The following TMEM38B variants were observed in gnomAD, a reference collection of about 807,000 sequenced individuals.
TMEM38B encodes the protein trimeric intracellular cation channel type B.
Under a neutral mutation model 28.7 loss-of-function variants are expected in TMEM38B, and 24 were observed. That is an observed-to-expected ratio of 0.84 (90% CI 0.61 to 1.18). TMEM38B has a LOEUF of 1.18. TMEM38B is among the 50% of genes most tolerant of loss of function. The probability of loss-of-function intolerance (pLI) is 0.00; values close to 1 mark genes in which losing one functional copy is unlikely to be tolerated. For synonymous variants in TMEM38B, 131 were observed against 127.7 expected, an observed-to-expected ratio of 1.03 and a Z score of -0.17; for missense variants, 380 against 350.9, an observed-to-expected ratio of 1.08 and a Z score of -0.66.
chr9:105,732,333 T>C (rs1387673746), intron 4 of TMEM38B, among the ~76,000 whole-genome samples: 2 of 152,228 alleles, frequency 1.3e-5, no homozygotes, highest in Admixed American at 1.3e-4. Flanking sequence ...TTTGTCAATT[T>C]TGGCTTTTGT....
chr9:105,708,951 A>G (rs1437058042), intron 2 of TMEM38B, among the ~76,000 whole-genome samples: 16 of 147,074 alleles, frequency 1.1e-4, no homozygotes, highest in African/African-American at 1.5e-4. Flanking sequence ...AAATTTTTAT[A>G]TTTGTTGAGA....
intron 4 of TMEM38B, among the ~76,000 whole-genome samples, chr9:105,745,663 A>C (rs1250886380): frequency 6.6e-6 from 1 of 152,200 alleles, no homozygotes; most frequent in African/African-American, 2.4e-5. Flanking sequence ...GTCCTTGCCC[A>C]TGCCTATGTC....
chr9:105,705,353 T>C (rs558721020), intron 1 of TMEM38B, among the ~76,000 whole-genome samples: 61 of 152,350 alleles, frequency 4.0e-4, no homozygotes, highest in Non-Finnish European at 8.2e-4. Context: ...AATGACAGCC[T>C]AAACAGAACA....
In TMEM38B at chr9:105,750,484, C is replaced by T. The variant is rs142169594; in HGVS notation, c.660+2294C>T. On this transcript the variant is annotated intron_variant, in intron 5 of 5. Coordinates refer to ENST00000374692, the MANE Select transcript of TMEM38B (RefSeq NM_018112.3). ...ACTAAAAATATAAAAATTAGTTGTG[C>T]GCGCCTGTAATCCCAGCTACTCAGG... Among the ~76,000 whole-genome samples the T allele has an allele frequency of 5.5e-4, 84 of 152,062 alleles. No individual in the cohort carries two copies. In the East Asian group the frequency reaches 0.016, roughly 28 times the overall value.
rs71489351 is a variant in TMEM38B, at chr9:105,738,715, CT to C, written c.543-9337del. Among the ~76,000 whole-genome samples the C allele has an allele frequency of 2.3e-3, 256 of 109,666 alleles. 2 individuals carry two copies. The highest frequency in any genetic ancestry group is 6.7e-3 in the South Asian group (22 of 3,270). 71.9% of individuals were successfully genotyped at this position (109,666 alleles called of 152,430 possible). On this transcript the variant is annotated intron_variant, in intron 4 of 5. Coordinates refer to ENST00000374692, the MANE Select transcript of TMEM38B (RefSeq NM_018112.3). ...CAGATCCATATGAGTTAATTTTTTC[CT>C]TTTTTTTTTTTTTTTTTTTTGAGAC...
intron 4 of TMEM38B, among the ~76,000 whole-genome samples, chr9:105,737,407 G>A (rs1235884422): frequency 6.6e-6 from 1 of 152,174 alleles, no homozygotes; most frequent in African/African-American, 2.4e-5. Context: ...GCACTATGCA[G>A]TGGGGACTCT....
intron 2 of TMEM38B, among the ~76,000 whole-genome samples, chr9:105,714,133 G>C (rs1836009291): frequency 6.6e-6 from 1 of 151,884 alleles, no homozygotes; most frequent in Non-Finnish European, 1.5e-5. Flanking sequence ...ACAAACCGCA[G>C]AGAGGAGCCT....
At chr9:105,760,881 G>T in intron 5 of TMEM38B, 1 of 549,382 alleles carries the variant, frequency 1.8e-6, no homozygotes, top group South Asian at 2.9e-5. Context: ...ATGTAAGGAA[G>T]TACCAAAATA....
intron 5 of TMEM38B, among the ~76,000 whole-genome samples, chr9:105,750,639 AT>A (rs964825362): frequency 4.0e-5 from 6 of 151,786 alleles, no homozygotes; most frequent in Non-Finnish European, 7.4e-5. Flanking sequence ...AAAAACACAC[AT>A]TTTTTTTATG....
intron 5 of TMEM38B, among the ~76,000 whole-genome samples, chr9:105,770,630 A>G (rs1202867850): frequency 1.3e-5 from 2 of 152,180 alleles, no homozygotes; most frequent in South Asian, 2.1e-4. Flanking sequence ...AGGGAATAAC[A>G]TAATCTATGG....
At chr9:105,773,830 G>C (rs1826638257) in intron 5 of TMEM38B, 35 bp from the exon 6 acceptor site, 8 of 1,572,382 alleles carry the variant, frequency 5.1e-6, no homozygotes, top group Non-Finnish European at 6.1e-6. Context: ...GAAATCATTT[G>C]TATTTAAATT....
intron 4 of TMEM38B, among the ~76,000 whole-genome samples, chr9:105,730,246 C>T (rs1040120378): frequency 2.0e-5 from 3 of 152,052 alleles, no homozygotes; most frequent in Admixed American, 6.6e-5. Flanking sequence ...TTTTGAGATA[C>T]GTTTCAGCAA....
intron 2 of TMEM38B, among the ~76,000 whole-genome samples, chr9:105,706,907 G>T (rs111442957): frequency 1.3e-3 from 198 of 152,130 alleles, no homozygotes; most frequent in African/African-American, 4.6e-3. Context: ...CTCCCAAGTG[G>T]CTGAGATTAC....
Position 105,759,740 on chromosome 9 carries a change from T to C in TMEM38B, c.660+11550T>C, listed in dbSNP as rs188634278. 251 of 1,605,314 alleles carry C rather than the reference T, an allele frequency of 1.6e-4. 1 individual carries two copies. In the African/African-American group the frequency reaches 2.9e-3, roughly 18 times the overall value. On this transcript the variant is annotated intron_variant, in intron 5 of 5. Transcript: ENST00000374692. ...TTGAATCTTCATTCAGAGGAAAATA[T>C]TCAAAAGCCATTCCGTGCTGGTTTT...
rs1826664943 is a variant in TMEM38B at position 105,774,472 on chromosome 9, G to A, written c.*392G>A. 1.3e-5 allele frequency: 2 copies of A among 153,372 alleles called. No individual in the cohort carries two copies. Among genetic ancestry groups the A allele is most frequent in the Non-Finnish European group, 2.9e-5 (2 of 68,686 alleles). 9.5% of individuals were successfully genotyped at this position (153,372 alleles called of 1,614,324 possible). A position where few individuals can be genotyped will look rare whatever the true frequency, so the allele number is the denominator to read the frequency against. Reference sequence around the variant, plus strand: ...AATCTATTTGAGCTTTAGTTCAGCAGAATTAAATTTTTACTTGACATTATC... The same window carrying A: ...AATCTATTTGAGCTTTAGTTCAGCAAAATTAAATTTTTACTTGACATTATC... On this transcript the variant is annotated 3_prime_UTR_variant, in exon 6 of 6. Coordinates refer to ENST00000374692, the MANE Select transcript of TMEM38B (RefSeq NM_018112.3).
chr9:105,765,409 G>T (rs1256136104), intron 5 of TMEM38B, among the ~76,000 whole-genome samples: 4 of 152,118 alleles, frequency 2.6e-5, no homozygotes, highest in African/African-American at 9.7e-5. Flanking sequence ...GATGAGTTTT[G>T]ACAAATTTGT....
intron 5 of TMEM38B, among the ~76,000 whole-genome samples, chr9:105,752,143 C>A (rs1212113165): frequency 6.6e-6 from 1 of 152,134 alleles, no homozygotes; most frequent in African/African-American, 2.4e-5. Flanking sequence ...CCTACGGGGA[C>A]TTCATCCATT....
chr9:105,721,608 C>G lies in TMEM38B; in HGVS notation c.341C>G (p.Ala114Gly). The change falls in exon 3 of 6, where the codon GCT (alanine) becomes GGT (glycine). Residue 114 changes from alanine to glycine, a missense_variant. Ala to Gly is a moderately conservative substitution (Grantham distance 60). Transcript: ENST00000374692. ...TCATATCTACCTGTTCAACTACTGG[C>G]TTCGGGAATGAAGGAAGTGACCAGA... Reference protein sequence around the residue: ...GYSYLPVQLLASGMKEVTRTW... With the variant: ...GYSYLPVQLLGSGMKEVTRTW... The G allele has an allele frequency of 1.2e-6, 2 of 1,613,600 alleles. No homozygotes were observed. Among genetic ancestry groups the G allele is most frequent in the Non-Finnish European group, 1.7e-6 (2 of 1,179,668 alleles).
At chr9:105,742,776 GAGAA>G (rs1313199540) in intron 4 of TMEM38B, among the ~76,000 whole-genome samples, 2 of 152,146 alleles carry the variant, frequency 1.3e-5, no homozygotes, top group South Asian at 2.1e-4. Flanking sequence ...AACAAACAGT[GAGAA>G]AGAAAGAGTA....
Sources: gnomAD v4.1 joint callset for allele counts (sites outside exome capture counted in the v4.1 genomes callset) on GRCh38, gnomAD v4.1.1 for gene constraint, MANE v1.5 for transcripts, NCBI Gene and HGNC (gene_info 2026-07-23, HGNC 2026-07-21) for gene names.